Variants in SUGCT observed in about 807,000 individuals in gnomAD.
SUGCT encodes succinyl-CoA:glutarate-CoA transferase.
Under a neutral mutation model 55.0 loss-of-function variants are expected in SUGCT, and 41 were observed. The ratio of observed to expected loss-of-function variants is 0.74; its 90% CI spans 0.58 to 0.97. SUGCT has a LOEUF of 0.97. Among genes scored for constraint, SUGCT ranks in the 50% least tolerant of loss-of-function variants. SUGCT has a pLI of 0.00. For missense variants in SUGCT, 568 were observed against 547.8 expected (o/e 1.04, Z -0.37); for synonymous variants, 187 against 200.4 (o/e 0.93, Z 0.56).
intron 12 of SUGCT, among the ~76,000 whole-genome samples, chr7:40,748,922 C>A (rs1403819998): frequency 6.6e-6 from 1 of 152,154 alleles, no homozygotes; most frequent in Non-Finnish European, 1.5e-5. Flanking sequence ...AATCCTTCCA[C>A]CTCCAGCAGT....
intron 7 of SUGCT, among the ~76,000 whole-genome samples, chr7:40,242,110 C>A (rs184908898): frequency 6.6e-6 from 1 of 151,844 alleles, no homozygotes; most frequent in Non-Finnish European, 1.5e-5. Flanking sequence ...AGACATTTTA[C>A]ATATGTATTT....
At chr7:40,845,627 T>C (rs1439167779) in intron 13 of SUGCT, among the ~76,000 whole-genome samples, 1 of 152,170 alleles carries the variant, frequency 6.6e-6, no homozygotes, top group Non-Finnish European at 1.5e-5. Flanking sequence ...AAAATTCAAA[T>C]AGGGGCATAG....
intron 13 of SUGCT, among the ~76,000 whole-genome samples, chr7:40,789,112 A>G (rs116210625): frequency 1.8e-4 from 27 of 152,278 alleles, no homozygotes; most frequent in African/African-American, 6.3e-4. Flanking sequence ...ATTTTATTTT[A>G]TTGTAAGAAA....
At chr7:41,036,194 G>A in the SUGCT span, among the ~76,000 whole-genome samples, 1 of 152,166 alleles carries the variant, frequency 6.6e-6, no homozygotes, top group African/African-American at 2.4e-5. Context: ...GTGGATGAGC[G>A]AGTGCATGGG....
chr7:40,135,078 C>A lies in SUGCT; in HGVS notation c.58C>A (p.Arg20=). Residue 20 remains arginine, a synonymous_variant, in exon 1 of 14, where the codon CGG becomes AGG. Coordinates refer to ENST00000335693, the MANE Select transcript of SUGCT (RefSeq NM_001193313.2). ...GCGCAGAACCTGCCTCTTCTCCGGC[C>A]GGGGCGGCGGGAGGGGGCTGTGGAC... is the stretch of plus-strand genomic sequence containing the variant. ...ALRRTCLFSG[R]GGGRGLWTGR... The A allele has an allele frequency of 6.4e-7, 1 of 1,558,576 alleles. No homozygotes were observed.
chr7:40,321,665 G>A (rs757827314), intron 9 of SUGCT, among the ~76,000 whole-genome samples: 40 of 151,614 alleles, frequency 2.6e-4, no homozygotes, highest in Non-Finnish European at 4.4e-4. Context: ...TTCCAGGCGA[G>A]AGCCACCGTG....
At chr7:40,823,977 T>C (rs1659212102) in intron 13 of SUGCT, among the ~76,000 whole-genome samples, 1 of 152,150 alleles carries the variant, frequency 6.6e-6, no homozygotes, top group Non-Finnish European at 1.5e-5. Flanking sequence ...AAAAAATGAA[T>C]AAGCACTGGT....
chr7:40,746,724 G>A (rs529235298), intron 12 of SUGCT, among the ~76,000 whole-genome samples: 3 of 152,130 alleles, frequency 2.0e-5, no homozygotes, highest in Non-Finnish European at 4.4e-5. Flanking sequence ...AAACTTTGAC[G>A]TATGTCCCTT....
intron 7 of SUGCT, among the ~76,000 whole-genome samples, chr7:40,253,965 T>TCA (rs1790622891): frequency 6.6e-6 from 1 of 152,276 alleles, no homozygotes. Flanking sequence ...TTTAGTTAGT[T>TCA]CAACTAGAAC....
At chr7:40,823,840 C>G (rs1015919153) in intron 13 of SUGCT, among the ~76,000 whole-genome samples, 3 of 152,144 alleles carry the variant, frequency 2.0e-5, no homozygotes, top group Non-Finnish European at 4.4e-5. Flanking sequence ...GGCATCACTC[C>G]TAGTCCCACG....
At chr7:40,217,250 C>T (rs905608511) in intron 6 of SUGCT, 1 of 250,240 alleles carries the variant, frequency 4.0e-6, no homozygotes, top group African/African-American at 2.4e-5. Context: ...CACTCTGTCA[C>T]CCAGGCTGGA....
At chr7:40,408,579 G>A (rs529019238) in intron 9 of SUGCT, among the ~76,000 whole-genome samples, 1 of 152,186 alleles carries the variant, frequency 6.6e-6, no homozygotes, top group African/African-American at 2.4e-5. Context: ...TTGCATCATT[G>A]TGGAGGGAAT....
the SUGCT span, among the ~76,000 whole-genome samples, chr7:41,013,314 T>A: frequency 1.3e-5 from 2 of 152,156 alleles, no homozygotes; most frequent in African/African-American, 4.8e-5. Flanking sequence ...TCTTAGTACA[T>A]CATGTAAAAT....
chr7:40,691,147 C>T (rs1262467354), intron 12 of SUGCT, among the ~76,000 whole-genome samples: 1 of 152,156 alleles, frequency 6.6e-6, no homozygotes, highest in African/African-American at 2.4e-5. Flanking sequence ...AAACAGGAAA[C>T]AAGTGGAGCT....
In SUGCT at chr7:40,720,137, C is replaced by T. The variant is rs149232504; in HGVS notation, c.1090-29297C>T. On this transcript the variant is annotated intron_variant, in intron 12 of 13. Transcript: ENST00000335693. Reference sequence around the variant, plus strand: ...TCATAAACCTAGATTCTAGTCCCCCCACTGCCAGACCTTGGGTAAGTCACT... The same window carrying T: ...TCATAAACCTAGATTCTAGTCCCCCTACTGCCAGACCTTGGGTAAGTCACT... Among the ~76,000 whole-genome samples the T allele has an allele frequency of 1.3e-4, 20 of 152,282 alleles. No individual in the cohort carries two copies. In the South Asian group the frequency reaches 1.9e-3, roughly 14 times the overall value.
chr7:40,436,218 C>T (rs1041553436), intron 9 of SUGCT, among the ~76,000 whole-genome samples: 18 of 152,110 alleles, frequency 1.2e-4, no homozygotes, highest in African/African-American at 4.3e-4. Context: ...GCTGGGATTA[C>T]AGGCTTGAGC....
chr7:40,195,349 G>T (rs1156986783), intron 6 of SUGCT, among the ~76,000 whole-genome samples: 1 of 151,096 alleles, frequency 6.6e-6, no homozygotes, highest in African/African-American at 2.4e-5. Flanking sequence ...AGCCTCCTGA[G>T]TAGCTGGGAT....
rs1356489039 is a variant in SUGCT, at chr7:40,775,331, C to A, written c.1153+25834C>A. Among the ~76,000 whole-genome samples, 4 of 152,210 alleles carry A rather than the reference C, an allele frequency of 2.6e-5. No individual in the cohort carries two copies. In the East Asian group the frequency reaches 7.7e-4, roughly 29 times the overall value. On this transcript the variant is annotated intron_variant, in intron 13 of 13. Coordinates refer to ENST00000335693, the MANE Select transcript of SUGCT (RefSeq NM_001193313.2). ...AAATATATTTTCCTTCTGCTCTCAACCACTAGCTTATACATACACAAGGTC... is the reference window on the plus strand; with the variant it reads ...AAATATATTTTCCTTCTGCTCTCAAACACTAGCTTATACATACACAAGGTC...
Position 40,511,478 on chromosome 7 carries a change from A to G in SUGCT, c.1089+15092A>G, listed in dbSNP as rs769662193. ...AGAACATTACTGGGTCACTTGACAA[A>G]ATTCAAACTAAGTCTGCAGGTTAGT... On this transcript the variant is annotated intron_variant, in intron 12 of 13. Transcript: ENST00000335693. Among the ~76,000 whole-genome samples, 19 of 152,290 alleles carry G rather than the reference A, an allele frequency of 1.2e-4. 1 individual carries two copies. Among genetic ancestry groups the G allele is most frequent in the Middle Eastern group, 3.4e-3 (1 of 294 alleles).
Sources: allele counts gnomAD v4.1 joint callset (sites outside exome capture counted in the v4.1 genomes callset), GRCh38; gene constraint gnomAD v4.1.1; transcripts MANE v1.5; gene names NCBI Gene and HGNC (gene_info 2026-07-23, HGNC 2026-07-21).